Variants in RBPJ observed in about 807,000 individuals in gnomAD.
The protein encoded by RBPJ is recombination signal binding protein for immunoglobulin kappa J region.
In RBPJ, 9 loss-of-function variants were observed where a neutral mutation model predicts 67.8. That is an observed-to-expected ratio of 0.13 (90% CI 0.08 to 0.23). The LOEUF is 0.23. Ranked by LOEUF, RBPJ falls within the 10% of genes least tolerant of loss-of-function variation. The pLI is 1.00. For synonymous variants in RBPJ, 198 were observed against 203.3 expected, an observed-to-expected ratio of 0.97 and a Z score of 0.22; for missense variants, 305 against 595.6, an observed-to-expected ratio of 0.51 and a Z score of 5.08.
the RBPJ span, among the ~76,000 whole-genome samples, chr4:26,128,189 A>C: frequency 1.3e-4 from 20 of 152,230 alleles, no homozygotes; most frequent in Non-Finnish European, 2.9e-5. Context: ...TTTAGTTGCC[A>C]ACTTGGCTCT....
chr4:26,267,252 G>A (rs1054095796), intron 1 of RBPJ, among the ~76,000 whole-genome samples: 1 of 152,112 alleles, frequency 6.6e-6, no homozygotes, highest in Admixed American at 6.5e-5. Context: ...TGGAGGGGGT[G>A]GGGCTTGGAG....
At chr4:26,271,154 G>C (rs2109264228) in intron 1 of RBPJ, among the ~76,000 whole-genome samples, 1 of 152,172 alleles carries the variant, frequency 6.6e-6, no homozygotes, top group East Asian at 1.9e-4. Flanking sequence ...TCTCCTCCTG[G>C]CCCAGCCTCC....
chr4:26,167,876 T>G (rs1488012926), intron 1 of RBPJ, among the ~76,000 whole-genome samples: 1 of 152,114 alleles, frequency 6.6e-6, no homozygotes, highest in African/African-American at 2.4e-5. Context: ...CTCTTATTAT[T>G]AGAGACTAGG....
the RBPJ span, among the ~76,000 whole-genome samples, chr4:26,124,321 G>C: frequency 6.7e-6 from 1 of 150,016 alleles, no homozygotes; most frequent in South Asian, 2.1e-4. Context: ...TTCCATTCCT[G>C]AGTTACTTCA....
At chr4:26,402,722 C>A (rs923505244) in intron 2 of RBPJ, among the ~76,000 whole-genome samples, 1 of 152,202 alleles carries the variant, frequency 6.6e-6, no homozygotes, top group African/African-American at 2.4e-5. Flanking sequence ...TCTTGACTCT[C>A]CTGTCAATGT....
chr4:26,181,006 T>C lies in RBPJ; in HGVS notation c.-167+17392T>C, dbSNP rs149603863. Among the ~76,000 whole-genome samples, 548 of 152,322 alleles carry C rather than the reference T, an allele frequency of 3.6e-3. 2 individuals carry two copies. The highest frequency in any genetic ancestry group is 3.6e-3 in the Non-Finnish European group (246 of 68,028). On this transcript the variant is annotated intron_variant, in intron 1 of 4. Coordinates refer to the RBPJ transcript ENST00000512351. ...CTATAAAGGGCAGTTCCTCTGCACATGTTCTTTTGCCTGCCACCATGTAAG... is the reference window on the plus strand; with the variant it reads ...CTATAAAGGGCAGTTCCTCTGCACACGTTCTTTTGCCTGCCACCATGTAAG...
chr4:26,304,099 T>G (rs968405245), intron 1 of RBPJ, among the ~76,000 whole-genome samples: 1 of 152,202 alleles, frequency 6.6e-6, no homozygotes, highest in African/African-American at 2.4e-5. Context: ...TTCTGGACAT[T>G]CTAGAATCCC....
intron 1 of RBPJ, among the ~76,000 whole-genome samples, chr4:26,168,241 T>C (rs1242270658): frequency 6.6e-6 from 1 of 152,188 alleles, no homozygotes; most frequent in African/African-American, 2.4e-5. Context: ...TAATGCTTCC[T>C]TCAGGAGCTC....
At chr4:26,185,100 C>A (rs1577447747) in intron 1 of RBPJ, among the ~76,000 whole-genome samples, 1 of 150,884 alleles carries the variant, frequency 6.6e-6, no homozygotes, top group Non-Finnish European at 1.5e-5. Flanking sequence ...CGACATTGCG[C>A]CACTGCACTC....
intron 1 of RBPJ, among the ~76,000 whole-genome samples, chr4:26,294,792 G>C (rs1178190209): frequency 2.0e-5 from 3 of 151,670 alleles, no homozygotes; most frequent in Non-Finnish European, 4.4e-5. Context: ...TGAGGCACAA[G>C]AATCACCTGG....
At chr4:26,269,266 A>ATTTT (rs1349437380) in intron 1 of RBPJ, among the ~76,000 whole-genome samples, 19 of 147,012 alleles carry the variant, frequency 1.3e-4, no homozygotes, top group African/African-American at 3.6e-4. Flanking sequence ...TTATTTATTT[A>ATTTT]TTTTTTTGAC....
At chr4:26,189,505 A>G (rs1051777045) in intron 1 of RBPJ, among the ~76,000 whole-genome samples, 2 of 152,094 alleles carry the variant, frequency 1.3e-5, no homozygotes, top group African/African-American at 4.8e-5. Flanking sequence ...TAAAAATGCA[A>G]AAATTAGCCG....
intron 1 of RBPJ, among the ~76,000 whole-genome samples, chr4:26,184,848 A>T (rs1231948239): frequency 6.6e-6 from 1 of 152,124 alleles, no homozygotes; most frequent in African/African-American, 2.4e-5. Context: ...TTTTTTGAAG[A>T]TAGTTATGTT....
chr4:26,219,144 G>A lies in RBPJ; in HGVS notation c.-167+55530G>A, dbSNP rs111444447. Among the ~76,000 whole-genome samples the A allele has an allele frequency of 6.7e-3, 1,020 of 152,324 alleles. 18 individuals are homozygous for A. The highest frequency in any genetic ancestry group is 0.023 in the African/African-American group (972 of 41,578). On this transcript the variant is annotated intron_variant, in intron 1 of 4. Transcript: ENST00000512351. ...GTCAAAGGGAAATAAGGGCAGGATT[G>A]TTTTATGGTGGAAATTCAGGTTTGG... is the stretch of plus-strand genomic sequence containing the variant.
At chr4:26,420,436 A>G (rs897400965) in intron 4 of RBPJ, 115 bp from the exon 5 acceptor site, 6 of 604,400 alleles carry the variant, frequency 9.9e-6, no homozygotes, top group Non-Finnish European at 1.6e-5. Context: ...TGGTTTTATC[A>G]GCTATCCCTT....
the RBPJ span, among the ~76,000 whole-genome samples, chr4:26,123,836 G>A: frequency 6.6e-6 from 1 of 152,096 alleles, no homozygotes; most frequent in African/African-American, 2.4e-5. Flanking sequence ...TCCACTGGAA[G>A]GTCTTCAGGG....
At chr4:26,115,067 A>G in the RBPJ span, among the ~76,000 whole-genome samples, 3 of 152,220 alleles carry the variant, frequency 2.0e-5, no homozygotes, top group Non-Finnish European at 4.4e-5. Context: ...CTCCACATTC[A>G]GTACTATTTT....
intron 1 of RBPJ, among the ~76,000 whole-genome samples, chr4:26,275,420 A>G (rs1196866226): frequency 6.6e-6 from 1 of 152,174 alleles, no homozygotes; most frequent in Non-Finnish European, 1.5e-5. Context: ...CTATGAGTCT[A>G]CTTATGCCTC....
At chr4:26,250,349 T>G (rs1720069265) in intron 1 of RBPJ, among the ~76,000 whole-genome samples, 1 of 130,890 alleles carries the variant, frequency 7.6e-6, no homozygotes, top group South Asian at 2.5e-4. Context: ...TTTTTTTTTT[T>G]GAAATGGAGT....
Sources: allele counts gnomAD v4.1 joint callset (sites outside exome capture counted in the v4.1 genomes callset), GRCh38; gene constraint gnomAD v4.1.1; transcripts MANE v1.5; gene names NCBI Gene and HGNC (gene_info 2026-07-23, HGNC 2026-07-21).